Variants in NIBAN3 observed in about 807,000 individuals in gnomAD.
The protein encoded by NIBAN3 is niban apoptosis regulator 3.
NIBAN3 carries 66 observed loss-of-function variants against 76.4 expected under a neutral mutation model. That is an observed-to-expected ratio of 0.86 (90% CI 0.71 to 1.06). The LOEUF (loss-of-function observed/expected upper bound fraction) is 1.06. Among genes scored for constraint, NIBAN3 ranks in the 50% least tolerant of loss-of-function variants. The pLI is 0.00. For synonymous variants in NIBAN3, 360 were observed against 355.2 expected (o/e 1.01, Z -0.15); for missense variants, 808 against 810.7 (o/e 1.00, Z 0.04).
intron 1 of NIBAN3, among the ~76,000 whole-genome samples, chr19:17,528,900 G>C (rs2075660538): frequency 6.6e-6 from 1 of 151,960 alleles, no homozygotes; most frequent in Non-Finnish European, 1.5e-5. Flanking sequence ...TGATGGGAGA[G>C]AGCTCACATG....
chr19:17,538,956 G>A (rs1011579099), intron 5 of NIBAN3, among the ~76,000 whole-genome samples, 194 bp from the exon 6 acceptor site: 1 of 152,242 alleles, frequency 6.6e-6, no homozygotes, highest in Non-Finnish European at 1.5e-5. Context: ...CCAGTAGAGG[G>A]TTCCTTCTAA....
intron 13 of NIBAN3, among the ~76,000 whole-genome samples, chr19:17,548,615 G>A (rs1359961702): frequency 6.6e-6 from 1 of 152,070 alleles, no homozygotes; most frequent in Non-Finnish European, 1.5e-5. Context: ...AAGGAAAGAG[G>A]AAGAACAGAC....
At chr19:17,529,712 A>C (rs1360422047) in intron 1 of NIBAN3, among the ~76,000 whole-genome samples, 1 of 152,170 alleles carries the variant, frequency 6.6e-6, no homozygotes, top group East Asian at 1.9e-4. Context: ...GATTGTGGTG[A>C]GGGTTTCACG....
chr19:17,546,455 T>G, intron 12 of NIBAN3: 1 of 684,976 alleles, frequency 1.5e-6, no homozygotes, highest in South Asian at 5.4e-5. Context: ...GACCTCATGA[T>G]CCGCCCACCT....
In NIBAN3 at chr19:17,553,143, G is replaced by GTTT. The variant is rs917378993; in HGVS notation, c.*1246_*1247insTTT. The GTTT allele has an allele frequency of 8.1e-5, 75 of 924,428 alleles. No homozygotes were observed. In the African/African-American group the frequency reaches 1.1e-3, roughly 14 times the overall value. 57.3% of individuals were successfully genotyped at this position (924,428 alleles called of 1,614,324 possible). On this transcript the variant is annotated 3_prime_UTR_variant, in exon 15 of 15. Coordinates refer to ENST00000599164, the MANE Select transcript of NIBAN3 (RefSeq NM_001321827.2). The stretch of plus-strand genomic sequence containing the variant: ...TGTAGTTTTTTTTTTTTTAATTTCA[G>GTTT]TGAATTGCCTGTTCATAGCTTTTTT...
intron 5 of NIBAN3, among the ~76,000 whole-genome samples, chr19:17,538,410 T>A (rs2075864666): frequency 7.1e-6 from 1 of 140,550 alleles, no homozygotes; most frequent in Non-Finnish European, 1.5e-5. Context: ...AGTGAGACTC[T>A]GTCTTAAAAA....
intron 5 of NIBAN3, among the ~76,000 whole-genome samples, chr19:17,537,962 C>T (rs1291196421): frequency 1.3e-5 from 2 of 150,656 alleles, no homozygotes; most frequent in African/African-American, 2.4e-5. Flanking sequence ...CACACACACA[C>T]GAGAAGAAAA....
At chr19:17,526,150 G>GA (rs2075605020), upstream of NIBAN3, among the ~76,000 whole-genome samples, 3 of 151,668 alleles carry the variant, frequency 2.0e-5, no homozygotes, top group Non-Finnish European at 4.4e-5. Context: ...CGTCTCTACT[G>GA]AAAATACAAA....
intron 5 of NIBAN3, 74 bp downstream of exon 5, chr19:17,537,617 G>T (rs1042654069): frequency 6.4e-6 from 9 of 1,413,000 alleles, no homozygotes; most frequent in Non-Finnish European, 8.5e-6. Flanking sequence ...CTGTTGGCTC[G>T]GGACCTCTCC....
At position 17,535,044 on chromosome 19, in the gene NIBAN3, A is replaced by G. The variant is rs114412456; in HGVS notation, c.427+1343A>G. ...CTATCTTGCTGTCAAAGGACACAAA[A>G]ATGTAGTCTGCTGAGATGTTGATGC... On this transcript the variant is annotated intron_variant, in intron 4 of 14. Coordinates refer to ENST00000599164, the MANE Select transcript of NIBAN3 (RefSeq NM_001321827.2). Among the ~76,000 whole-genome samples, 468 of 152,318 alleles carry G rather than the reference A, an allele frequency of 3.1e-3. 3 individuals carry two copies. Among genetic ancestry groups the G allele is most frequent in the African/African-American group, 0.011 (439 of 41,574 alleles).
chr19:17,536,573 C>A (rs1208484239), intron 4 of NIBAN3, among the ~76,000 whole-genome samples: 1 of 152,024 alleles, frequency 6.6e-6, no homozygotes, highest in East Asian at 1.9e-4. Flanking sequence ...CTAAATATTT[C>A]TTTTCATATA....
intron 12 of NIBAN3, among the ~76,000 whole-genome samples, chr19:17,544,510 A>G (rs367964284): frequency 1.3e-5 from 2 of 152,234 alleles, no homozygotes; most frequent in East Asian, 3.9e-4. Flanking sequence ...TTGGGTGGGG[A>G]GTTACCAGGG....
chr19:17,543,288 TG>T (rs771389280), intron 10 of NIBAN3, 28 bp from the exon 11 acceptor site: 1 of 1,453,976 alleles, frequency 6.9e-7, no homozygotes, highest in South Asian at 1.3e-5. Flanking sequence ...GCACAGATTC[TG>T]GGGTCATCAT....
At position 17,553,585 on chromosome 19, in the gene NIBAN3, T is replaced by C. The variant is rs749626901; in HGVS notation, c.*1687T>C. 3.8e-6 allele frequency: 6 copies of C among 1,599,204 alleles called. No individual in the cohort carries two copies. Among genetic ancestry groups the C allele is most frequent in the Non-Finnish European group, 5.1e-6 (6 of 1,166,686 alleles). On this transcript the variant is annotated 3_prime_UTR_variant, in exon 15 of 15. Coordinates refer to ENST00000599164, the MANE Select transcript of NIBAN3 (RefSeq NM_001321827.2). ...ATGAGATATTCCTGACCTTTCCACCTATTTCCCTCCAACCCCACCTTCCGA... is the reference window on the plus strand; with the variant it reads ...ATGAGATATTCCTGACCTTTCCACCCATTTCCCTCCAACCCCACCTTCCGA...
chr19:17,553,694 C>G (rs555815599), downstream of NIBAN3: 18 of 775,826 alleles, frequency 2.3e-5, no homozygotes, highest in African/African-American at 2.1e-4. Context: ...GATGTTAATT[C>G]TGGAACAATT....
At chr19:17,546,998 C>T (rs552723497) in intron 13 of NIBAN3, among the ~76,000 whole-genome samples, 1 of 152,116 alleles carries the variant, frequency 6.6e-6, no homozygotes, top group Admixed American at 6.6e-5. Flanking sequence ...GGCCGTTGGA[C>T]TGGGGCTGTG....
At chr19:17,530,531 CAAAAAAAAAAAA>C (rs558680407) in intron 1 of NIBAN3, among the ~76,000 whole-genome samples, 4 of 46,362 alleles carry the variant, frequency 8.6e-5, no homozygotes. Context: ...GACTCCATCT[CAAAAAAAAAAAA>C]AAAAAAAAAA....
chr19:17,554,950 G>T (rs1209620993), downstream of NIBAN3, among the ~76,000 whole-genome samples: 3 of 148,276 alleles, frequency 2.0e-5, no homozygotes, highest in Admixed American at 6.7e-5. Context: ...AAAAAAAAGT[G>T]TGATACTAAG....
Position 17,540,547 on chromosome 19 carries a change from C to T in NIBAN3, c.1135C>T (p.Arg379Cys), listed in dbSNP as rs1191389891. ...CATGGACCGACTGTCCCACCGCCTG[C>T]GCCAGAGCCCCTCAGGCACGCGGCT... ...QGMDRLSHRL[R>C]QSPSGTRLRR... The change falls in exon 9 of 15, where the codon CGC becomes TGC. Residue 379 changes from arginine (R) to cysteine (C), a missense_variant. Arg to Cys is a radical substitution (Grantham distance 180). Transcript: ENST00000599164. The T allele has an allele frequency of 1.3e-6, 2 of 1,557,340 alleles. No homozygotes were observed. Among genetic ancestry groups the T allele is most frequent in the East Asian group, 2.4e-5 (1 of 41,438 alleles).
Sources: gnomAD v4.1 joint callset for allele counts (sites outside exome capture counted in the v4.1 genomes callset) on GRCh38, gnomAD v4.1.1 for gene constraint, MANE v1.5 for transcripts, NCBI Gene and HGNC (gene_info 2026-07-23, HGNC 2026-07-21) for gene names.